NEMP2: variants seen among roughly 807,000 people sequenced by gnomAD.
NEMP2 encodes the protein UPF0571 transmembrane protein.
A neutral mutation model predicts 54.2 loss-of-function variants in NEMP2; 53 were observed. The observed-to-expected ratio is 0.98, with a 90% CI of 0.78 to 1.23. The LOEUF is 1.23. Among genes scored for constraint, NEMP2 ranks in the 50% most tolerant of loss-of-function variants. The pLI is 0.00. For missense variants in NEMP2, 455 were observed against 511.3 expected, an observed-to-expected ratio of 0.89 and a Z score of 1.06; for synonymous variants, 197 against 190.3, an observed-to-expected ratio of 1.04 and a Z score of -0.29.
the NEMP2 span, among the ~76,000 whole-genome samples, chr2:190,449,651 G>A: frequency 1.4e-5 from 2 of 140,374 alleles, no homozygotes; most frequent in Non-Finnish European, 3.3e-5. Flanking sequence ...TTAAGAAAAT[G>A]TAGCACATAT....
the NEMP2 span, among the ~76,000 whole-genome samples, chr2:190,484,390 C>T: frequency 6.6e-6 from 1 of 152,180 alleles, no homozygotes; most frequent in East Asian, 1.9e-4. Context: ...TTTCACAGTT[C>T]TCTAATAACT....
chr2:190,435,858 A>C, the NEMP2 span: 3 of 895,006 alleles, frequency 3.4e-6, no homozygotes, highest in African/African-American at 5.0e-5. Context: ...AAATGATGAG[A>C]ATTCTCTCTT....
the NEMP2 span, among the ~76,000 whole-genome samples, chr2:190,567,012 A>G: frequency 2.6e-5 from 4 of 152,198 alleles, no homozygotes; most frequent in Non-Finnish European, 4.4e-5. The surrounding 1 kb of genome is among the most constrained non-coding windows in gnomAD (Gnocchi z 4.0). Flanking sequence ...AGGAGGAAAC[A>G]TGAAAAACAG....
At chr2:190,426,418 GT>G in the NEMP2 span, among the ~76,000 whole-genome samples, 1 of 151,520 alleles carries the variant, frequency 6.6e-6, no homozygotes, top group Admixed American at 6.6e-5. The surrounding 1 kb of genome is among the most constrained non-coding windows in gnomAD (Gnocchi z 4.7). Flanking sequence ...GAGACTTTCT[GT>G]TTTTTTTGTT....
chr2:190,545,551 A>G, the NEMP2 span, among the ~76,000 whole-genome samples: 2 of 152,234 alleles, frequency 1.3e-5, no homozygotes, highest in Non-Finnish European at 2.9e-5. Context: ...GAACCTTTCA[A>G]TTCAGTTAAG....
downstream of NEMP2, chr2:190,501,550 T>G (rs970741286): frequency 2.6e-5 from 4 of 152,188 alleles, no homozygotes; most frequent in Admixed American, 6.5e-5. Context: ...TTATAATAGC[T>G]GTGGATGAGC....
At chr2:190,455,816 A>G in the NEMP2 span, among the ~76,000 whole-genome samples, 2 of 152,018 alleles carry the variant, frequency 1.3e-5, no homozygotes, top group East Asian at 3.9e-4. Context: ...GGTTGGAAAA[A>G]ACTATATCAG....
chr2:190,628,486 G>T, the NEMP2 span: 1 of 152,288 alleles, frequency 6.6e-6, no homozygotes, highest in South Asian at 2.1e-4. This position sits in a 1 kb window ranked among gnomAD's most constrained non-coding sequence, Gnocchi z 4.1. Context: ...TATAAAATCA[G>T]TTCTGCAATG....
the NEMP2 span, among the ~76,000 whole-genome samples, chr2:190,421,929 AC>A: frequency 5.9e-5 from 9 of 152,182 alleles, no homozygotes; most frequent in East Asian, 1.5e-3. Flanking sequence ...TATAGAAGAA[AC>A]CAAGTTAACT....
chr2:190,596,539 A>G, the NEMP2 span, among the ~76,000 whole-genome samples: 1 of 152,188 alleles, frequency 6.6e-6, no homozygotes. The surrounding 1 kb of genome is among the most constrained non-coding windows in gnomAD (Gnocchi z 5.1). Flanking sequence ...AGAGCAGGGG[A>G]AAATGAATTC....
chr2:190,487,928 A>T, the NEMP2 span, among the ~76,000 whole-genome samples: 3 of 152,050 alleles, frequency 2.0e-5, no homozygotes, highest in Admixed American at 2.0e-4. The surrounding 1 kb of genome is among the most constrained non-coding windows in gnomAD (Gnocchi z 5.5). Flanking sequence ...TTGAGACAGA[A>T]TCTTGCTCTG....
At position 190,533,573 on chromosome 2, in the gene NEMP2, G is replaced by A. The variant is rs1029483880; in HGVS notation, c.97+986C>T. Among the ~76,000 whole-genome samples the A allele has an allele frequency of 1.3e-5, 2 of 152,054 alleles. No individual in the cohort carries two copies. The highest frequency in any genetic ancestry group is 4.8e-5 in the African/African-American group (2 of 41,382). On this transcript the variant is annotated intron_variant, in intron 1 of 8. Transcript: ENST00000409150. This position sits in a 1 kb window ranked among gnomAD's most constrained non-coding sequence, Gnocchi z 4.3. ...CAAGATTCCCTCAGTTGGGAGCTGT[G>A]GCAGAATCTGATAATGACCTCATCA...
the NEMP2 span, among the ~76,000 whole-genome samples, chr2:190,435,524 G>A: frequency 6.6e-6 from 1 of 152,182 alleles, no homozygotes; most frequent in South Asian, 2.1e-4. Flanking sequence ...TTGTGGTTAA[G>A]TGCAACCTAT....
the NEMP2 span, among the ~76,000 whole-genome samples, chr2:190,615,986 C>T: frequency 6.6e-6 from 1 of 152,190 alleles, no homozygotes; most frequent in Non-Finnish European, 1.5e-5. This position sits in a 1 kb window ranked among gnomAD's most constrained non-coding sequence, Gnocchi z 4.7. Flanking sequence ...CTCCTTCCCT[C>T]CTCATTTTCC....
Position 190,509,022 on chromosome 2 carries a change from T to C in NEMP2, c.*167A>G, listed in dbSNP as rs1282833228. On this transcript the variant is annotated 3_prime_UTR_variant, in exon 9 of 9. Coordinates refer to ENST00000409150, the MANE Select transcript of NEMP2 (RefSeq NM_001142645.2). The surrounding 1 kb of genome is among the most constrained non-coding windows in gnomAD (Gnocchi z 6.1). ...AAGTAGCAGAAGTCACCAAGAATGCTAAGTTATCTTCAAAATGGGTTGGTT... is the reference window on the plus strand; with the variant it reads ...AAGTAGCAGAAGTCACCAAGAATGCCAAGTTATCTTCAAAATGGGTTGGTT... 9.5e-7 allele frequency: 1 copy of C among 1,050,466 alleles called. No individual in the cohort carries two copies. Among genetic ancestry groups the C allele is most frequent in the Non-Finnish European group, 1.3e-6 (1 of 750,226 alleles). 65.1% of individuals were successfully genotyped at this position (1,050,466 alleles called of 1,614,324 possible). A position where few individuals can be genotyped will look rare whatever the true frequency, so the allele number is the denominator to read the frequency against.
the NEMP2 span, among the ~76,000 whole-genome samples, chr2:190,422,169 A>G: frequency 6.6e-6 from 1 of 152,166 alleles, no homozygotes; most frequent in African/African-American, 2.4e-5. Context: ...TTTATCAGTT[A>G]TTCATCCTTG....
Position 190,534,356 on chromosome 2 carries a change from CT to C in NEMP2, c.97+202del, listed in dbSNP as rs140125896. On this transcript the variant is annotated intron_variant, in intron 1 of 8. Coordinates refer to ENST00000409150, the MANE Select transcript of NEMP2 (RefSeq NM_001142645.2). The stretch of plus-strand genomic sequence containing the variant: ...AATTCTAAAATTACAAAATGTCCAA[CT>C]GCCAGGCGAGAGACTACGGAAGCCC... The C allele has an allele frequency of 1.2e-3, 1,435 of 1,202,800 alleles. 20 individuals carry two copies. In the African/African-American group the frequency reaches 0.021, roughly 17 times the overall value. The allele number at this position is 1,202,800 out of a possible 1,614,324, so 74.5% of individuals were successfully genotyped here.
At chr2:190,606,260 C>T in the NEMP2 span, among the ~76,000 whole-genome samples, 1 of 152,176 alleles carries the variant, frequency 6.6e-6, no homozygotes, top group South Asian at 2.1e-4. Context: ...TCCTCTTCCC[C>T]AAATCAGGAA....
chr2:190,454,534 CCCTTCCCTCTTCCCCTCTGCCG>C, the NEMP2 span: 3 of 152,314 alleles, frequency 2.0e-5, no homozygotes, highest in East Asian at 5.8e-4. The surrounding 1 kb of genome is among the most constrained non-coding windows in gnomAD (Gnocchi z 4.6). Flanking sequence ...TCTTTCTTTA[CCCTTCCCTCTTCCCCTCTGCCG>C]CCCTCCCTCT....
Sources: gnomAD v4.1 joint callset for allele counts (sites outside exome capture counted in the v4.1 genomes callset) on GRCh38, gnomAD v4.1.1 for gene constraint, Gnocchi (gnomAD v3.1) non-coding constraint, MANE v1.5 for transcripts, NCBI Gene and HGNC (gene_info 2026-07-23, HGNC 2026-07-21) for gene names.